The following CEP85L variants were observed in gnomAD, a reference collection of about 807,000 sequenced individuals.
CEP85L encodes centrosomal protein 85L, also known as centrosomal protein of 85 kDa-like.
Under a neutral mutation model 100.3 loss-of-function variants are expected in CEP85L, and 60 were observed. That is an observed-to-expected ratio of 0.60 (90% CI 0.49 to 0.74). The LOEUF is 0.74. Ranked by LOEUF, CEP85L falls within the 30% of genes least tolerant of loss-of-function variation. The probability of loss-of-function intolerance (pLI) is 0.00; values close to 1 mark genes in which losing one functional copy is unlikely to be tolerated. For missense variants in CEP85L, 973 were observed against 936.2 expected, an observed-to-expected ratio of 1.04 and a Z score of -0.51; for synonymous variants, 319 against 322.7, an observed-to-expected ratio of 0.99 and a Z score of 0.12.
At chr6:118,582,661 C>G (rs1487432763) in intron 2 of CEP85L, among the ~76,000 whole-genome samples, 1 of 152,166 alleles carries the variant, frequency 6.6e-6, no homozygotes, top group Non-Finnish European at 1.5e-5. Context: ...CCAAACCTCT[C>G]GATTACTCTA....
At chr6:118,690,100 T>C (rs56344535) in intron 1 of CEP85L, among the ~76,000 whole-genome samples, 47,564 of 151,948 alleles carry the variant, frequency 0.31, 7,948 homozygotes, top group Non-Finnish European at 0.37. Flanking sequence ...AGCAACTCTT[T>C]ATCCCTGAAG....
At chr6:118,516,073 A>G (rs1776257816) in intron 4 of CEP85L, among the ~76,000 whole-genome samples, 1 of 152,222 alleles carries the variant, frequency 6.6e-6, no homozygotes, top group Non-Finnish European at 1.5e-5. Context: ...TGCAAATGAC[A>G]TGAACTCATC....
intron 5 of CEP85L, chr6:118,501,451 G>T: frequency 2.5e-6 from 1 of 393,040 alleles, no homozygotes; most frequent in South Asian, 2.0e-5. Context: ...TGATGAGACA[G>T]CTGCAGAGAA....
chr6:118,671,311 A>G (rs184980993), intron 1 of CEP85L, among the ~76,000 whole-genome samples: 70 of 151,952 alleles, frequency 4.6e-4, no homozygotes, highest in African/African-American at 1.6e-3. Flanking sequence ...TTTTTTCTAC[A>G]CTTATTTTCT....
At chr6:118,600,299 GGGTGTGTGTGTGTGTGTGTGTGTGTGTGT>G (rs1781678637) in intron 2 of CEP85L, among the ~76,000 whole-genome samples, 1 of 88,974 alleles carries the variant, frequency 1.1e-5, no homozygotes, top group African/African-American at 4.3e-5. Context: ...GCCTTCCTGG[GGGTGTGTGTGTGTGTGTGTGTGTGTGTGT>G]GTGTGTGTGT....
At position 118,676,729 on chromosome 6, in the gene CEP85L, T is replaced by C. The variant is rs542933287; in HGVS notation, c.-27-23921A>G. On this transcript the variant is annotated intron_variant, in intron 1 of 13. Coordinates refer to the CEP85L transcript ENST00000368488. Reference sequence around the variant, plus strand: ...AAAGTGGGATGGCTGGATTATATGATGATTCTGTTTTTAGTTTTTTCATAA... The same window carrying C: ...AAAGTGGGATGGCTGGATTATATGACGATTCTGTTTTTAGTTTTTTCATAA... Among the ~76,000 whole-genome samples, 6 of 152,330 alleles carry C rather than the reference T, an allele frequency of 3.9e-5. No individual in the cohort carries two copies. The South Asian group carries it at 1.2e-3, about 32-fold the overall frequency.
At chr6:118,700,615 T>C (rs1430644515) in intron 1 of CEP85L, among the ~76,000 whole-genome samples, 1 of 152,240 alleles carries the variant, frequency 6.6e-6, no homozygotes, top group Non-Finnish European at 1.5e-5. Context: ...TGAATTTGGC[T>C]TTGCAGTTGA....
Position 118,525,298 on chromosome 6 carries a change from C to G in CEP85L, c.1021-1378G>C, listed in dbSNP as rs138192987. Among the ~76,000 whole-genome samples, 19 of 152,240 alleles carry G rather than the reference C, an allele frequency of 1.2e-4. No homozygotes were observed. In the East Asian group the frequency reaches 3.3e-3, roughly 26 times the overall value. On this transcript the variant is annotated intron_variant, in intron 3 of 12. Coordinates refer to ENST00000368491, the MANE Select transcript of CEP85L (RefSeq NM_001042475.3). Reference sequence around the variant, plus strand: ...ATGGCAGATATCCTTATATTTCTTCCGTTGAAAAAGCAGCAAACATTTAAA... The same window carrying G: ...ATGGCAGATATCCTTATATTTCTTCGGTTGAAAAAGCAGCAAACATTTAAA...
At chr6:118,476,137 C>A (rs187400862) in intron 10 of CEP85L, among the ~76,000 whole-genome samples, 156 of 152,252 alleles carry the variant, frequency 1.0e-3, no homozygotes, top group Admixed American at 2.9e-3. Flanking sequence ...AACTCCCCCC[C>A]GCGACATAAC....
chr6:118,685,333 G>A (rs2638530), intron 1 of CEP85L, among the ~76,000 whole-genome samples: 103,157 of 151,704 alleles, frequency 0.68, 35,796 homozygotes, highest in Middle Eastern at 0.76. Context: ...TAATAAACCA[G>A]AAATAAACTC....
At chr6:118,503,637 A>G (rs1309294456) in intron 5 of CEP85L, among the ~76,000 whole-genome samples, 1 of 152,140 alleles carries the variant, frequency 6.6e-6, no homozygotes, top group Admixed American at 6.5e-5. Context: ...AGGACACATA[A>G]ATATAGTCAA....
chr6:118,602,409 C>T (rs1253659940), intron 2 of CEP85L, among the ~76,000 whole-genome samples: 1 of 152,166 alleles, frequency 6.6e-6, no homozygotes, highest in Non-Finnish European at 1.5e-5. Context: ...AACTGGACAA[C>T]TGTTGAAACC....
upstream of CEP85L, among the ~76,000 whole-genome samples, chr6:118,654,457 TAGAA>T (rs1775707774): frequency 6.6e-6 from 1 of 152,146 alleles, no homozygotes; most frequent in Admixed American, 6.5e-5. Context: ...TGCTACTACA[TAGAA>T]AGAGATTTAT....
chr6:118,504,891 C>CT lies in CEP85L; in HGVS notation c.1257+6406_1257+6407insA, dbSNP rs1775542740. On this transcript the variant is annotated intron_variant, in intron 5 of 12. Transcript: ENST00000368491. ...TGCCTGGTGTGTAGGGAAACAAATA[C>CT]CATACATGTGGTGCAGAAGTACTGT... Among the ~76,000 whole-genome samples the CT allele has an allele frequency of 3.3e-5, 5 of 151,870 alleles. No homozygotes were observed. The South Asian group carries it at 8.3e-4, about 25-fold the overall frequency.
At chr6:118,525,459 G>T (rs558196349) in intron 3 of CEP85L, among the ~76,000 whole-genome samples, 8 of 152,244 alleles carry the variant, frequency 5.3e-5, no homozygotes, top group African/African-American at 1.9e-4. Flanking sequence ...GCTCCTTAAG[G>T]TAAGGCCTAA....
intron 3 of CEP85L, among the ~76,000 whole-genome samples, chr6:118,538,575 A>G (rs1777732970): frequency 6.6e-6 from 1 of 152,058 alleles, no homozygotes; most frequent in Admixed American, 6.5e-5. Flanking sequence ...ATCGGTTAGT[A>G]TTATCATGTC....
Position 118,705,333 on chromosome 6 carries a change from C to T in CEP85L, c.-28+4703G>A, listed in dbSNP as rs111277025. ...TAATTTGCCCCAGACTGTGAGATAA[C>T]ACTAAATAAGCACAAAATATCTTTT... is the stretch of plus-strand genomic sequence containing the variant. On this transcript the variant is annotated intron_variant, in intron 1 of 13. Coordinates refer to the CEP85L transcript ENST00000368488. Among the ~76,000 whole-genome samples, 344 of 152,278 alleles carry T rather than the reference C, an allele frequency of 2.3e-3. 1 individual carries two copies. Among genetic ancestry groups the T allele is most frequent in the Non-Finnish European group, 4.0e-3 (275 of 68,022 alleles).
At chr6:118,528,684 G>A (rs1403442053) in intron 3 of CEP85L, among the ~76,000 whole-genome samples, 1 of 152,086 alleles carries the variant, frequency 6.6e-6, no homozygotes, top group Non-Finnish European at 1.5e-5. Context: ...AAATCCATGT[G>A]TATCTACCTA....
At chr6:118,487,967 G>A (rs1199159221) in intron 6 of CEP85L, among the ~76,000 whole-genome samples, 1 of 151,824 alleles carries the variant, frequency 6.6e-6, no homozygotes, top group Non-Finnish European at 1.5e-5. Context: ...GTACTGATAG[G>A]ACCTAGAATA....
Sources: allele counts gnomAD v4.1 joint callset (sites outside exome capture counted in the v4.1 genomes callset), GRCh38; gene constraint gnomAD v4.1.1; transcripts MANE v1.5; gene names NCBI Gene and HGNC (gene_info 2026-07-23, HGNC 2026-07-21).